Variants in FMN2 observed in about 807,000 individuals in gnomAD.
FMN2 encodes the protein formin-2.
In FMN2, 51 loss-of-function variants were observed where a neutral mutation model predicts 142.3. The ratio of observed to expected loss-of-function variants is 0.36; its 90% CI spans 0.29 to 0.45. The LOEUF is 0.45. Ranked by LOEUF, FMN2 falls within the 20% of genes least tolerant of loss-of-function variation. The pLI, the probability that FMN2 is intolerant of heterozygous loss-of-function variation, is 1.00. For missense variants in FMN2, 1,936 were observed against 2,122.8 expected (o/e 0.91, Z 1.73); for synonymous variants, 882 against 869.8 (o/e 1.01, Z -0.25).
chr1:240,187,081 A>G (rs1408945257), intron 3 of FMN2, among the ~76,000 whole-genome samples: 6 of 148,906 alleles, frequency 4.0e-5, no homozygotes, highest in African/African-American at 1.5e-4. Context: ...CCTGGCCAAC[A>G]TGGTGAAACC....
At chr1:240,375,652 G>T (rs9662927) in intron 14 of FMN2, among the ~76,000 whole-genome samples, 1 of 151,974 alleles carries the variant, frequency 6.6e-6, no homozygotes, top group Non-Finnish European at 1.5e-5. Flanking sequence ...ACTCTAGATT[G>T]TCTCTCACAT....
At chr1:240,127,615 C>T (rs1286163080) in intron 2 of FMN2, among the ~76,000 whole-genome samples, 1 of 151,552 alleles carries the variant, frequency 6.6e-6, no homozygotes, top group Non-Finnish European at 1.5e-5. Context: ...GTAGCTGGAA[C>T]TATAGGCATG....
chr1:240,225,228 A>T (rs2103430273), intron 6 of FMN2, among the ~76,000 whole-genome samples: 1 of 152,312 alleles, frequency 6.6e-6, no homozygotes, highest in African/African-American at 2.4e-5. Flanking sequence ...TCACAGGAGC[A>T]ACTGGAGAGG....
intron 2 of FMN2, among the ~76,000 whole-genome samples, chr1:240,148,387 C>CAGAGAGACAGAGACAGAGAGAGAGAA (rs1373183537): frequency 2.2e-5 from 3 of 139,124 alleles, no homozygotes; most frequent in African/African-American, 8.8e-5. Context: ...GAGAGAAAGA[C>CAGAGAGACAGAGACAGAGAGAGAGAA]AGAGAGAAAG....
At chr1:240,447,520 G>A (rs113034964) in intron 16 of FMN2, among the ~76,000 whole-genome samples, 2,831 of 152,218 alleles carry the variant, frequency 0.019, 100 homozygotes, top group African/African-American at 0.065. Flanking sequence ...GGAAGGCTGT[G>A]GTAAAAAACA....
At chr1:240,206,597 T>G (rs1479610539) in intron 4 of FMN2, among the ~76,000 whole-genome samples, 5 of 152,178 alleles carry the variant, frequency 3.3e-5, no homozygotes, top group Admixed American at 3.3e-4. Context: ...GGACTTAAGA[T>G]TCTGTGGTAA....
chr1:240,261,351 C>CT (rs397983486), intron 7 of FMN2, among the ~76,000 whole-genome samples: 59,009 of 145,464 alleles, frequency 0.41, 12,053 homozygotes, highest in East Asian at 0.55. Context: ...TTAACCAGTA[C>CT]TTTTTTTTTT....
At position 240,465,692 on chromosome 1, in the gene FMN2, A is replaced by C. The variant is rs540288659; in HGVS notation, c.5061-6680A>C. Among the ~76,000 whole-genome samples the C allele has an allele frequency of 2.6e-5, 4 of 152,228 alleles. No individual in the cohort carries two copies. In the East Asian group the frequency reaches 7.7e-4, roughly 29 times the overall value. On this transcript the variant is annotated intron_variant, in intron 16 of 17. Transcript: ENST00000319653. The stretch of plus-strand genomic sequence containing the variant: ...ATGAAACCGTCTGCCACAGATACTT[A>C]TTTAGACCAAGCTATTAATGTTTAG...
chr1:240,143,201 C>T, intron 2 of FMN2: 1 of 1,591,678 alleles, frequency 6.3e-7, no homozygotes, highest in Non-Finnish European at 8.6e-7. Context: ...CACTGCCCAC[C>T]ATGCCCATGG....
intron 15 of FMN2, among the ~76,000 whole-genome samples, chr1:240,406,167 T>G (rs1443549848): frequency 2.7e-4 from 6 of 22,492 alleles, no homozygotes; most frequent in African/African-American, 5.4e-4. Flanking sequence ...GCCTCGGGAG[T>G]GGGGGGAGCG....
intron 13 of FMN2, among the ~76,000 whole-genome samples, chr1:240,344,737 G>A (rs1275787645): frequency 1.3e-5 from 2 of 152,184 alleles, no homozygotes; most frequent in Non-Finnish European, 2.9e-5. Context: ...CTGATTGCCT[G>A]CTGTTCTGAC....
chr1:240,251,982 C>T (rs1384200775), intron 6 of FMN2, among the ~76,000 whole-genome samples: 5 of 152,190 alleles, frequency 3.3e-5, no homozygotes, highest in Non-Finnish European at 4.4e-5. Context: ...TATCTCGGCT[C>T]AGTGCAACCT....
chr1:240,100,404 T>C (rs1463007056), intron 1 of FMN2, among the ~76,000 whole-genome samples: 1 of 152,240 alleles, frequency 6.6e-6, no homozygotes, highest in Non-Finnish European at 1.5e-5. Flanking sequence ...AACAAAAATG[T>C]ACTGCCTGTG....
chr1:240,164,925 T>G (rs2103298972), intron 2 of FMN2, among the ~76,000 whole-genome samples: 1 of 152,296 alleles, frequency 6.6e-6, no homozygotes, highest in Non-Finnish European at 1.5e-5. Flanking sequence ...GGGACTCCAA[T>G]TATACATAAG....
At position 240,208,479 on chromosome 1, in the gene FMN2, C is replaced by T. The variant is rs1282472193; in HGVS notation, c.3667C>T (p.Pro1223Ser). The change falls in exon 5 of 18, where the codon CCC becomes TCC. Residue 1223 changes from proline (P) to serine (S), a missense_variant. By Grantham distance (74) the Pro-to-Ser change is moderately conservative. This residue lies in a region of FMN2 where 259 missense variants were observed against 230.9 expected (regional missense o/e 1.12). Transcript: ENST00000319653. ...TATGGGGATTCCACCTGCTCCAGCT[C>T]CCCCACTCCCTCCACCTGGGACAGG... ...PGMGIPPAPA[P>S]PLPPPGTGIP... 31 of 1,610,790 alleles carry T rather than the reference C, an allele frequency of 1.9e-5. 1 individual carries two copies. The highest frequency in any genetic ancestry group is 5.0e-5 in the Admixed American group (3 of 59,708).
At chr1:240,262,306 C>T (rs1214395690) in intron 7 of FMN2, among the ~76,000 whole-genome samples, 1 of 152,012 alleles carries the variant, frequency 6.6e-6, no homozygotes, top group Non-Finnish European at 1.5e-5. Context: ...GATCACTTCT[C>T]TGAGTTCGCT....
At chr1:240,249,452 T>C (rs1050896683) in intron 6 of FMN2, among the ~76,000 whole-genome samples, 1 of 152,164 alleles carries the variant, frequency 6.6e-6, no homozygotes, top group South Asian at 2.1e-4. Flanking sequence ...TTTCCATTGG[T>C]CTATGTGTTT....
At chr1:240,360,299 C>G (rs919137633) in intron 14 of FMN2, among the ~76,000 whole-genome samples, 1 of 152,202 alleles carries the variant, frequency 6.6e-6, no homozygotes, top group African/African-American at 2.4e-5. Context: ...TATACAGAAG[C>G]TCCCACACTT....
At chr1:240,128,483 T>C (rs1268925621) in intron 2 of FMN2, among the ~76,000 whole-genome samples, 1 of 152,178 alleles carries the variant, frequency 6.6e-6, no homozygotes, top group African/African-American at 2.4e-5. Flanking sequence ...TTCATGAGCT[T>C]ATCTTTAAAT....
Sources: gnomAD v4.1 joint callset for allele counts (sites outside exome capture counted in the v4.1 genomes callset) on GRCh38, gnomAD v4.1.1 for gene constraint, gnomAD v4.1.1 regional missense constraint, MANE v1.5 for transcripts, NCBI Gene and HGNC (gene_info 2026-07-23, HGNC 2026-07-21) for gene names.